The following NIPA1 variants were observed in gnomAD, a reference collection of about 807,000 sequenced individuals.
NIPA1 encodes the protein NIPA magnesium transporter 1, also known as magnesium transporter NIPA1.
Under a neutral mutation model 23.9 loss-of-function variants are expected in NIPA1, and 13 were observed. The ratio of observed to expected loss-of-function variants is 0.54; its 90% CI spans 0.35 to 0.87. NIPA1 has a LOEUF of 0.87. NIPA1 is among the 40% of genes least tolerant of loss of function. The pLI is 0.01. For synonymous variants in NIPA1, 234 were observed against 202.9 expected (o/e 1.15, Z -1.30); for missense variants, 362 against 429.7 (o/e 0.84, Z 1.39).
intron 1 of NIPA1, among the ~76,000 whole-genome samples, chr15:22,797,541 C>T (rs1442957150): frequency 4.1e-5 from 5 of 121,642 alleles, no homozygotes; most frequent in African/African-American, 6.9e-5. Flanking sequence ...GAGTTTTGCT[C>T]GTTTCCCAGG....
At chr15:22,796,321 A>G (rs1243506678) in intron 1 of NIPA1, among the ~76,000 whole-genome samples, 1 of 152,162 alleles carries the variant, frequency 6.6e-6, no homozygotes, top group African/African-American at 2.4e-5. Context: ...TTCTTATGAT[A>G]GAAGCAGGAA....
At chr15:22,787,513 A>G (rs906304291) in intron 1 of NIPA1, among the ~76,000 whole-genome samples, 4 of 152,148 alleles carry the variant, frequency 2.6e-5, no homozygotes, top group African/African-American at 7.2e-5. Context: ...CAAGCCCTGG[A>G]CGGGCCAAGG....
chr15:22,814,642 G>A (rs1952072859), intron 3 of NIPA1, among the ~76,000 whole-genome samples: 1 of 152,122 alleles, frequency 6.6e-6, no homozygotes, highest in Non-Finnish European at 1.5e-5. Flanking sequence ...AGAATAGAGA[G>A]CCCCCAAATA....
Position 22,814,405 on chromosome 15 carries a change from G to C in NIPA1, c.317+2152G>C, listed in dbSNP as rs977889619. On this transcript the variant is annotated intron_variant, in intron 3 of 4. Coordinates refer to ENST00000337435, the MANE Select transcript of NIPA1 (RefSeq NM_144599.5). ...TTTTTAGTAGAGACGGGGTTTGACC[G>C]TGTTGGCTGGGATGGTCTTGATCTC... Among the ~76,000 whole-genome samples the C allele has an allele frequency of 3.9e-5, 6 of 152,112 alleles. No homozygotes were observed. In the South Asian group the frequency reaches 1.2e-3, roughly 32 times the overall value.
rs1294425085 is a variant in NIPA1 at position 22,786,756 on chromosome 15, G to T, written c.100G>T (p.Val34Leu). ...SPAAVSLGLG[V>L]AVVSSLVNGS... ...CGCCGCCGTGTCGCTCGGCCTGGGC[G>T]TGGCCGTCGTGTCGAGCCTGGTGAA... Residue 34 changes from valine to leucine, a missense_variant, in exon 1 of 5, where the codon GTG (valine) becomes TTG (leucine). By Grantham distance (32) the Val-to-Leu change is conservative. This residue lies in a region of NIPA1 where 85 missense variants were observed against 57.7 expected (regional missense o/e 1.47). Transcript: ENST00000337435. 3.0e-6 allele frequency: 4 copies of T among 1,315,928 alleles called. No homozygotes were observed. The highest frequency in any genetic ancestry group is 4.0e-6 in the Non-Finnish European group (4 of 1,012,080). The allele number at this position is 1,315,928 out of a possible 1,614,324, so 81.5% of individuals were successfully genotyped here. A position where few individuals can be genotyped will look rare whatever the true frequency, so the allele number is the denominator to read the frequency against.
chr15:22,820,489 C>G lies in NIPA1; in HGVS notation c.478+16C>G, dbSNP rs201395561. On this transcript the variant is annotated intron_variant, in intron 4 of 4. Coordinates refer to ENST00000337435, the MANE Select transcript of NIPA1 (RefSeq NM_144599.5). ...ACCAATCCAGGTAATTCCTTTCTAG[C>G]AGCACTGCCAAGAAAGTTTGCAGTA... 1.9e-6 allele frequency: 3 copies of G among 1,608,410 alleles called. No individual in the cohort carries two copies. The African/African-American group carries it at 4.0e-5, about 21-fold the overall frequency.
chr15:22,788,910 G>C (rs9672977), intron 1 of NIPA1, among the ~76,000 whole-genome samples: 1 of 123,060 alleles, frequency 8.1e-6, no homozygotes, highest in African/African-American at 3.1e-5. Context: ...GAAGAACAAG[G>C]CTCTGTCTTA....
At chr15:22,813,962 G>A (rs1363472854) in intron 3 of NIPA1, 16 of 445,732 alleles carry the variant, frequency 3.6e-5, no homozygotes, top group South Asian at 1.8e-4. Context: ...ATCTTGGCAC[G>A]TGGCACATTG....
intron 1 of NIPA1, among the ~76,000 whole-genome samples, chr15:22,798,860 A>C (rs1009844762): frequency 6.6e-5 from 10 of 150,452 alleles, no homozygotes; most frequent in Non-Finnish European, 1.3e-4. Flanking sequence ...AAAAAAAAAA[A>C]AACCTCTTTA....
At chr15:22,790,027 C>A (rs753542750) in intron 1 of NIPA1, among the ~76,000 whole-genome samples, 1 of 152,106 alleles carries the variant, frequency 6.6e-6, no homozygotes. Context: ...CTCCTGACCT[C>A]AGATGATCTG....
At chr15:22,818,814 A>T (rs545335272) in intron 3 of NIPA1, among the ~76,000 whole-genome samples, 1 of 152,258 alleles carries the variant, frequency 6.6e-6, no homozygotes, top group South Asian at 2.1e-4. Context: ...GAATGAATGA[A>T]TGAATGAAAA....
At chr15:22,794,762 C>A (rs1206500637) in intron 1 of NIPA1, among the ~76,000 whole-genome samples, 1 of 152,122 alleles carries the variant, frequency 6.6e-6, no homozygotes, top group East Asian at 1.9e-4. Flanking sequence ...TGGGCACGCT[C>A]CCGTCCCTAG....
chr15:22,824,423 C>T lies in NIPA1; in HGVS notation c.*184C>T. ...GAGCAGAGGCCCAGCCAGCCCTCTG[C>T]AGCCCAAACGTCCCCAACGGTTGCC... On this transcript the variant is annotated 3_prime_UTR_variant, in exon 5 of 5. Coordinates refer to ENST00000337435, the MANE Select transcript of NIPA1 (RefSeq NM_144599.5). This position sits in a 1 kb window ranked among gnomAD's most constrained non-coding sequence, Gnocchi z 4.1. The T allele has an allele frequency of 1.6e-6, 1 of 632,764 alleles. No individual in the cohort carries two copies. Among genetic ancestry groups the T allele is most frequent in the Non-Finnish European group, 2.8e-6 (1 of 352,814 alleles). 39.2% of individuals were successfully genotyped at this position (632,764 alleles called of 1,614,324 possible). A position where few individuals can be genotyped will look rare whatever the true frequency, so the allele number is the denominator to read the frequency against.
intron 2 of NIPA1, chr15:22,811,045 C>A: frequency 3.7e-6 from 2 of 542,648 alleles, no homozygotes; most frequent in Non-Finnish European, 6.6e-6. Context: ...GAGGCCCCTG[C>A]TGCCCACGAT....
At chr15:22,813,906 C>T (rs142636220) in intron 3 of NIPA1, among the ~76,000 whole-genome samples, 107 of 152,246 alleles carry the variant, frequency 7.0e-4, no homozygotes, top group African/African-American at 2.5e-3. Context: ...TTCTGTGACC[C>T]GTCCCCCTGA....
chr15:22,793,426 C>A (rs915401905), intron 1 of NIPA1, among the ~76,000 whole-genome samples: 38 of 149,004 alleles, frequency 2.6e-4, no homozygotes, highest in African/African-American at 8.6e-4. Context: ...GCCCTGCTGT[C>A]AAACATTAGA....
chr15:22,795,691 G>C (rs1261889755), intron 1 of NIPA1, among the ~76,000 whole-genome samples: 3 of 152,148 alleles, frequency 2.0e-5, no homozygotes, highest in African/African-American at 7.2e-5. Flanking sequence ...TGCTGCTTCT[G>C]CCACATCTCT....
At chr15:22,823,593 T>C (rs1895586630) in intron 4 of NIPA1, 135 bp from the exon 5 acceptor site, 2 of 798,208 alleles carry the variant, frequency 2.5e-6, no homozygotes, top group Non-Finnish European at 2.1e-6. Context: ...AGAGCCCACA[T>C]GCTCCCCAGG....
Position 22,809,019 on chromosome 15 carries a change from C to G in NIPA1, c.179-1730C>G, listed in dbSNP as rs143446151. On this transcript the variant is annotated intron_variant, in intron 1 of 4. Coordinates refer to ENST00000337435, the MANE Select transcript of NIPA1 (RefSeq NM_144599.5). ...TTCTAATACTTGTAGCTCTGCTGCT[C>G]CATTAAGCAGGCTAGCAGGCTATGT... Among the ~76,000 whole-genome samples the G allele has an allele frequency of 1.7e-3, 265 of 152,154 alleles. 1 individual carries two copies. Among genetic ancestry groups the G allele is most frequent in the African/African-American group, 6.1e-3 (254 of 41,504 alleles).
Sources: gnomAD v4.1 joint callset for allele counts (sites outside exome capture counted in the v4.1 genomes callset) on GRCh38, gnomAD v4.1.1 for gene constraint, gnomAD v4.1.1 regional missense constraint, Gnocchi (gnomAD v3.1) non-coding constraint, MANE v1.5 for transcripts, NCBI Gene and HGNC (gene_info 2026-07-23, HGNC 2026-07-21) for gene names.